The following SEMA4D variants were observed in gnomAD, a reference collection of about 807,000 sequenced individuals.
SEMA4D encodes the protein semaphorin-4D.
A neutral mutation model predicts 74.8 loss-of-function variants in SEMA4D; 22 were observed. That is an observed-to-expected ratio of 0.29 (90% CI 0.21 to 0.42). The LOEUF (loss-of-function observed/expected upper bound fraction) is 0.42, where lower values mean the gene tolerates loss of function less well. Ranked by LOEUF, SEMA4D falls within the 10% of genes least tolerant of loss-of-function variation. SEMA4D has a pLI of 1.00. For synonymous variants in SEMA4D, 445 were observed against 463.7 expected, an observed-to-expected ratio of 0.96 and a Z score of 0.52; for missense variants, 937 against 1,118.4, an observed-to-expected ratio of 0.84 and a Z score of 2.31.
intron 2 of SEMA4D, among the ~76,000 whole-genome samples, chr9:89,416,839 C>T (rs1469014669): frequency 6.6e-6 from 1 of 152,216 alleles, no homozygotes; most frequent in Non-Finnish European, 1.5e-5. Context: ...AAACCCACCA[C>T]ATTAGTGTAT....
At chr9:89,448,110 G>A (rs1853421403) in intron 2 of SEMA4D, among the ~76,000 whole-genome samples, 1 of 152,156 alleles carries the variant, frequency 6.6e-6, no homozygotes, top group Admixed American at 6.6e-5. Flanking sequence ...GAGCAGCTGG[G>A]ACTACAGGTG....
chr9:89,385,205 C>T (rs755168535), intron 13 of SEMA4D: 2 of 943,286 alleles, frequency 2.1e-6, no homozygotes, highest in South Asian at 4.9e-5. Flanking sequence ...GGATCAGTGC[C>T]CATGTGCCCT....
intron 6 of SEMA4D, among the ~76,000 whole-genome samples, chr9:89,396,369 T>A (rs1237873725): frequency 6.6e-6 from 1 of 152,096 alleles, no homozygotes; most frequent in Non-Finnish European, 1.5e-5. Context: ...CATAGCATGT[T>A]CAGGCTACCT....
In SEMA4D at chr9:89,484,509, A is replaced by G. The variant is rs1161551456; in HGVS notation, c.-310+13410T>C. Among the ~76,000 whole-genome samples the G allele has an allele frequency of 1.4e-5, 2 of 146,470 alleles. No homozygotes were observed. The highest frequency in any genetic ancestry group is 5.1e-5 in the African/African-American group (2 of 39,130). On this transcript the variant is annotated intron_variant, in intron 1 of 15. Transcript: ENST00000422704. This position sits in a 1 kb window ranked among gnomAD's most constrained non-coding sequence, Gnocchi z 4.1. ...TATGTACCACGTGGTGGGTTTGTGT[A>G]GTGTGTGTGGTGTGTATGGACTGGG...
At chr9:89,460,936 T>C (rs1470410045) in intron 1 of SEMA4D, among the ~76,000 whole-genome samples, 2 of 152,154 alleles carry the variant, frequency 1.3e-5, no homozygotes, top group African/African-American at 4.8e-5. Flanking sequence ...GAAGGCGACC[T>C]GCTGTTCCCC....
intron 2 of SEMA4D, among the ~76,000 whole-genome samples, chr9:89,429,609 A>AATCTCAAGTTC (rs1389055000): frequency 5.9e-5 from 9 of 152,158 alleles, no homozygotes; most frequent in Non-Finnish European, 1.3e-4. Flanking sequence ...TTCTTAACAG[A>AATCTCAAGTTC]ATCTCAAGTT....
chr9:89,405,874 G>A lies in SEMA4D; in HGVS notation c.-243-175C>T, dbSNP rs1843211570. ...GAAGTGGACAGCCCAACGGACACAG[G>A]AAAGCGAAGCCAGGGTCTTCAGGAG... On this transcript the variant is annotated intron_variant, in intron 2 of 15. Transcript: ENST00000422704. 5 of 1,233,406 alleles carry A rather than the reference G, an allele frequency of 4.1e-6. No homozygotes were observed. In the South Asian group the frequency reaches 1.9e-4, roughly 46 times the overall value. The allele number at this position is 1,233,406 out of a possible 1,614,324, so 76.4% of individuals were successfully genotyped here. A position where few individuals can be genotyped will look rare whatever the true frequency, so the allele number is the denominator to read the frequency against.
At position 89,379,182 on chromosome 9, in the gene SEMA4D, G is replaced by A. The variant is rs370149796; in HGVS notation, c.2111C>T (p.Thr704Ile). ...GATCTTTGGTTCGCAGGATGTGCCG[G>A]TGGGCGCAGGCTTGGGAGGAAGGGT... ...AITLPPKPAP[T>I]GTSCEPKIVI... The change falls in exon 16 of 16, where the codon ACC becomes ATC. Residue 704 changes from threonine (T) to isoleucine (I), a missense_variant. Coordinates refer to ENST00000422704, the MANE Select transcript of SEMA4D (RefSeq NM_001371194.2). 2 of 1,614,088 alleles carry A rather than the reference G, an allele frequency of 1.2e-6. No homozygotes were observed. The highest frequency in any genetic ancestry group is 1.7e-6 in the Non-Finnish European group (2 of 1,180,038).
chr9:89,432,348 G>A (rs1287246634), intron 2 of SEMA4D, among the ~76,000 whole-genome samples: 1 of 152,226 alleles, frequency 6.6e-6, no homozygotes, highest in Non-Finnish European at 1.5e-5. Flanking sequence ...TCTGGGGACA[G>A]GACCCTGGGG....
At chr9:89,380,966 C>A (rs1299646253) in intron 15 of SEMA4D, 89 bp downstream of exon 15, 1 of 1,488,290 alleles carries the variant, frequency 6.7e-7, no homozygotes, top group Non-Finnish European at 9.4e-7. Context: ...AAACAAAACA[C>A]ACACAAATGC....
chr9:89,446,603 T>C (rs1256163444), intron 2 of SEMA4D, among the ~76,000 whole-genome samples: 1 of 152,150 alleles, frequency 6.6e-6, no homozygotes, highest in Non-Finnish European at 1.5e-5. Flanking sequence ...GGAGGCTGCC[T>C]CCCAGGACTT....
intron 2 of SEMA4D, among the ~76,000 whole-genome samples, chr9:89,430,171 G>A (rs950099889): frequency 6.6e-5 from 10 of 151,944 alleles, no homozygotes; most frequent in Admixed American, 1.3e-4. Context: ...ATTACTGGAC[G>A]GTCAGAACAT....
chr9:89,466,945 A>C lies in SEMA4D; in HGVS notation c.-309-10992T>G, dbSNP rs554124649. Among the ~76,000 whole-genome samples the C allele has an allele frequency of 3.9e-5, 6 of 152,352 alleles. No homozygotes were observed. In the East Asian group the frequency reaches 7.7e-4, roughly 20 times the overall value. On this transcript the variant is annotated intron_variant, in intron 1 of 15. Transcript: ENST00000422704. ...CACCAGCTCCAGAATGCAAGGCCCA[A>C]AAAGGGCCCTGTTACTCTTTTACAA...
intron 13 of SEMA4D, among the ~76,000 whole-genome samples, chr9:89,384,258 G>A (rs1008210279): frequency 2.0e-5 from 3 of 152,164 alleles, no homozygotes; most frequent in East Asian, 1.9e-4. Flanking sequence ...AGGGATGAAC[G>A]CACACACAAA....
At chr9:89,449,896 A>G in intron 2 of SEMA4D, 1 of 1,451,448 alleles carries the variant, frequency 6.9e-7, no homozygotes, top group South Asian at 1.1e-5. Context: ...CTTGGGGTCC[A>G]TGTGAATGGC....
In SEMA4D at chr9:89,377,277, G is replaced by A. The variant is rs1025522697; in HGVS notation, c.*1427C>T. 6 of 560,844 alleles carry A rather than the reference G, an allele frequency of 1.1e-5. No individual in the cohort carries two copies. In the Admixed American group the frequency reaches 2.4e-4, roughly 22 times the overall value. 34.7% of individuals were successfully genotyped at this position (560,844 alleles called of 1,614,324 possible). On this transcript the variant is annotated 3_prime_UTR_variant, in exon 16 of 16. Coordinates refer to ENST00000422704, the MANE Select transcript of SEMA4D (RefSeq NM_001371194.2). Reference sequence around the variant, plus strand: ...TCATTTATTTGGGTACTTTCCAAATGTATACAATTCAAAGTAGAAAAATAA... The same window carrying A: ...TCATTTATTTGGGTACTTTCCAAATATATACAATTCAAAGTAGAAAAATAA...
At chr9:89,486,539 A>G (rs2068094274) in intron 1 of SEMA4D, among the ~76,000 whole-genome samples, 1 of 152,236 alleles carries the variant, frequency 6.6e-6, no homozygotes, top group Admixed American at 6.5e-5. Flanking sequence ...GAACTGACTC[A>G]AACAGAAACA....
intron 12 of SEMA4D, chr9:89,386,745 C>A: frequency 2.7e-6 from 1 of 376,520 alleles, no homozygotes; most frequent in South Asian, 2.5e-5. Flanking sequence ...AGAATCCTCA[C>A]CAACAGTCGA....
intron 1 of SEMA4D, among the ~76,000 whole-genome samples, chr9:89,456,764 T>C (rs530051716): frequency 1.3e-5 from 2 of 152,288 alleles, no homozygotes; most frequent in Admixed American, 6.5e-5. Context: ...TTTTTGTATC[T>C]TTTTTAGTAG....
Sources: gnomAD v4.1 joint callset for allele counts (sites outside exome capture counted in the v4.1 genomes callset) on GRCh38, gnomAD v4.1.1 for gene constraint, Gnocchi (gnomAD v3.1) non-coding constraint, MANE v1.5 for transcripts, NCBI Gene and HGNC (gene_info 2026-07-23, HGNC 2026-07-21) for gene names.